COL4A4: variants seen among roughly 807,000 people sequenced by gnomAD.
COL4A4 encodes the protein collagen alpha-4(IV) chain.
In COL4A4, 105 loss-of-function variants were observed where a neutral mutation model predicts 192.9. The observed-to-expected ratio is 0.54, with a 90% CI of 0.46 to 0.64. The LOEUF (loss-of-function observed/expected upper bound fraction) is 0.64. Ranked by LOEUF, COL4A4 falls within the 30% of genes least tolerant of loss-of-function variation. COL4A4 has a pLI of 0.00. For synonymous variants in COL4A4, 762 were observed against 769.9 expected, an observed-to-expected ratio of 0.99 and a Z score of 0.17; for missense variants, 1,967 against 2,169.3, an observed-to-expected ratio of 0.91 and a Z score of 1.85.
At chr2:227,143,556 A>G (rs1234489849) in intron 3 of COL4A4, among the ~76,000 whole-genome samples, 3 of 152,214 alleles carry the variant, frequency 2.0e-5, no homozygotes, top group Non-Finnish European at 4.4e-5. Flanking sequence ...TGATTCAGAA[A>G]TTATGTTTAC....
chr2:227,051,829 T>G (rs1974169678), intron 32 of COL4A4, among the ~76,000 whole-genome samples: 1 of 152,308 alleles, frequency 6.6e-6, no homozygotes, highest in Admixed American at 6.5e-5. Flanking sequence ...ACACAGGAAC[T>G]TCAGCTAAAT....
intron 29 of COL4A4, 113 bp downstream of exon 29, chr2:227,057,326 T>A: frequency 1.6e-6 from 2 of 1,250,264 alleles, no homozygotes; most frequent in Non-Finnish European, 2.3e-6. Context: ...CGAAGTCCTT[T>A]GTCTCTGACT....
At chr2:227,120,910 G>A (rs2061742678) in intron 5 of COL4A4, 104 bp downstream of exon 5, 3 of 1,471,464 alleles carry the variant, frequency 2.0e-6, no homozygotes, top group Non-Finnish European at 2.8e-6. Flanking sequence ...CTGCATTCTA[G>A]CCTGAGTGAC....
At chr2:227,055,368 C>T (rs1034835402) in intron 30 of COL4A4, among the ~76,000 whole-genome samples, 12 of 149,634 alleles carry the variant, frequency 8.0e-5, no homozygotes, top group Admixed American at 2.0e-4. Context: ...AAAAATTAGG[C>T]GTGGTGGCAC....
intron 25 of COL4A4, among the ~76,000 whole-genome samples, chr2:227,073,757 C>G (rs1559554244): frequency 6.6e-6 from 1 of 152,068 alleles, no homozygotes. Flanking sequence ...CTACAGCTAA[C>G]TGATCTTTAA....
At chr2:227,160,584 TA>T (rs984738027) in intron 1 of COL4A4, among the ~76,000 whole-genome samples, 1 of 152,110 alleles carries the variant, frequency 6.6e-6, no homozygotes, top group African/African-American at 2.4e-5. Context: ...CCGTGATGAA[TA>T]TGTAGTAGAA....
At chr2:227,075,855 G>A (rs528061680) in intron 25 of COL4A4, among the ~76,000 whole-genome samples, 1 of 152,088 alleles carries the variant, frequency 6.6e-6, no homozygotes, top group African/African-American at 2.4e-5. Flanking sequence ...GGCAAGCAGA[G>A]AGCCAAATCA....
At chr2:227,134,700 G>A (rs553098566) in intron 4 of COL4A4, among the ~76,000 whole-genome samples, 1 of 152,214 alleles carries the variant, frequency 6.6e-6, no homozygotes, top group African/African-American at 2.4e-5. Context: ...GAGATCGCAG[G>A]GAAAATACTT....
intron 16 of COL4A4, 55 bp downstream of exon 16, chr2:227,101,810 A>G: frequency 7.4e-7 from 1 of 1,351,612 alleles, no homozygotes; most frequent in East Asian, 2.5e-5. Flanking sequence ...GAATTATACT[A>G]AATTGCATTT....
intron 26 of COL4A4, 120 bp downstream of exon 26, chr2:227,062,410 C>T (rs1576236058): frequency 2.8e-6 from 2 of 727,036 alleles, no homozygotes; most frequent in Non-Finnish European, 2.5e-6. Context: ...TCCATGGTCC[C>T]TCAAAACTTC....
At chr2:227,164,460 C>T (rs79908084), upstream of COL4A4, 917 of 548,518 alleles carry the variant, frequency 1.7e-3, 2 homozygotes, top group Non-Finnish European at 2.3e-3. The surrounding 1 kb of genome is among the most constrained non-coding windows in gnomAD (Gnocchi z 4.8). Context: ...GCACGATGCC[C>T]GGGTAGAAGG....
At chr2:227,138,102 C>T (rs1030393802) in intron 4 of COL4A4, among the ~76,000 whole-genome samples, 5 of 150,750 alleles carry the variant, frequency 3.3e-5, no homozygotes, top group Non-Finnish European at 5.9e-5. Flanking sequence ...TTGAGAACAG[C>T]CTGAGAAACA....
intron 22 of COL4A4, among the ~76,000 whole-genome samples, chr2:227,083,866 T>C (rs747602383): frequency 3.9e-5 from 6 of 152,136 alleles, no homozygotes; most frequent in Non-Finnish European, 8.8e-5. Context: ...CCAGTGGAGA[T>C]GGGCACAGTG....
At chr2:227,146,425 A>G (rs1464687342) in intron 2 of COL4A4, among the ~76,000 whole-genome samples, 1 of 152,004 alleles carries the variant, frequency 6.6e-6, no homozygotes, top group South Asian at 2.1e-4. Context: ...CTTGTTCATT[A>G]TCCTCAGAAC....
At position 227,022,564 on chromosome 2, in the gene COL4A4, G is replaced by T. The variant is rs1254993799; in HGVS notation, c.4091-391C>A. On this transcript the variant is annotated intron_variant, in intron 43 of 47. Transcript: ENST00000396625. ...GGTAGCATTGCAAGAGGGACTGGTG[G>T]GTTCCTAAAGCTCAGCTTCATGTGT... The T allele has an allele frequency of 5.6e-6, 3 of 538,440 alleles. No homozygotes were observed. The Admixed American group carries it at 5.8e-5, about 10-fold the overall frequency. 33.4% of individuals were successfully genotyped at this position (538,440 alleles called of 1,614,324 possible).
In COL4A4 at chr2:227,077,963, C is replaced by T. The variant is rs770528353; in HGVS notation, c.1918G>A (p.Glu640Lys). Residue 640 changes from glutamate to lysine, a missense_variant, in exon 25 of 48, where the codon GAG becomes AAG. Coordinates refer to ENST00000396625, the MANE Select transcript of COL4A4 (RefSeq NM_000092.5). ...CCTGGAACTCCTGGGTGGCCTCGCT[C>T]TCCTGGTGGACCAGGAAATCCCAGT... ...PGLGFPGPPG[E>K]RGHPGVPGHP... The T allele has an allele frequency of 3.1e-6, 5 of 1,613,850 alleles. No homozygotes were observed. Among genetic ancestry groups the T allele is most frequent in the African/African-American group, 1.3e-5 (1 of 75,050 alleles).
chr2:227,070,889 A>ATAAG (rs1219031572), intron 25 of COL4A4, among the ~76,000 whole-genome samples: 9 of 151,872 alleles, frequency 5.9e-5, no homozygotes, highest in African/African-American at 2.2e-4. Flanking sequence ...AAATAAATAA[A>ATAAG]TAAATAAATA....
chr2:227,113,230 GT>G lies in COL4A4; in HGVS notation c.558+1397del, dbSNP rs547142068. 3.9e-3 allele frequency among the ~76,000 whole-genome samples: 587 copies of G among 152,026 alleles called. 1 individual carries two copies. Among genetic ancestry groups the G allele is most frequent in the African/African-American group, 0.013 (556 of 41,468 alleles). On this transcript the variant is annotated intron_variant, in intron 8 of 47. Coordinates refer to ENST00000396625, the MANE Select transcript of COL4A4 (RefSeq NM_000092.5). ...GTAGTTGCCAACAATTGCTAGATTT[GT>G]TTTTTTTATCATAGCCATTAGAATG...
At chr2:227,082,018 T>C (rs1190634235) in intron 23 of COL4A4, 97 bp downstream of exon 23, 5 of 1,055,196 alleles carry the variant, frequency 4.7e-6, no homozygotes, top group East Asian at 2.4e-5. Flanking sequence ...CTAAATTGTA[T>C]AGAATTGATC....
Sources: gnomAD v4.1 joint callset for allele counts (sites outside exome capture counted in the v4.1 genomes callset) on GRCh38, gnomAD v4.1.1 for gene constraint, Gnocchi (gnomAD v3.1) non-coding constraint, MANE v1.5 for transcripts, NCBI Gene and HGNC (gene_info 2026-07-23, HGNC 2026-07-21) for gene names.